The following MSI2 variants were observed in gnomAD, a reference collection of about 807,000 sequenced individuals.
MSI2 encodes RNA-binding protein Musashi homolog 2.
In MSI2, 17 loss-of-function variants were observed where a neutral mutation model predicts 45.6. The ratio of observed to expected loss-of-function variants is 0.37; its 90% CI spans 0.26 to 0.56. The LOEUF (loss-of-function observed/expected upper bound fraction) is 0.56, where lower values mean the gene tolerates loss of function less well. Ranked by LOEUF, MSI2 falls within the 20% of genes least tolerant of loss-of-function variation. The pLI is 0.77. For missense variants in MSI2, 293 were observed against 444.2 expected, an observed-to-expected ratio of 0.66 and a Z score of 3.06; for synonymous variants, 156 against 158.2, an observed-to-expected ratio of 0.99 and a Z score of 0.11.
intron 5 of MSI2, among the ~76,000 whole-genome samples, chr17:57,315,918 A>C (rs1426901670): frequency 6.6e-6 from 1 of 152,124 alleles, no homozygotes; most frequent in Non-Finnish European, 1.5e-5. Flanking sequence ...CGGAGGGTGT[A>C]CACGGGCTGT....
intron 5 of MSI2, among the ~76,000 whole-genome samples, chr17:57,358,189 C>CTGTG (rs1278459037): frequency 8.3e-5 from 5 of 60,318 alleles, no homozygotes; most frequent in Non-Finnish European, 1.8e-4. Flanking sequence ...GTGGGTTTTT[C>CTGTG]TGTGTGTGTG....
chr17:57,416,020 A>G (rs1806403329), intron 6 of MSI2, among the ~76,000 whole-genome samples: 1 of 152,244 alleles, frequency 6.6e-6, no homozygotes, highest in African/African-American at 2.4e-5. Context: ...TAGGAGAAAC[A>G]GCATGCAGGG....
chr17:57,690,374 G>A, the MSI2 span, among the ~76,000 whole-genome samples: 2 of 151,758 alleles, frequency 1.3e-5, no homozygotes, highest in African/African-American at 4.8e-5. Context: ...ACTTTCAGAG[G>A]CCAAGGCAGG....
intron 11 of MSI2, among the ~76,000 whole-genome samples, chr17:57,658,318 A>G (rs771307333): frequency 1.4e-4 from 22 of 152,186 alleles, no homozygotes; most frequent in Non-Finnish European, 1.3e-4. Context: ...CCACAACCAG[A>G]CTTACCAAAG....
At chr17:57,550,192 G>T (rs1180231989) in intron 7 of MSI2, among the ~76,000 whole-genome samples, 1 of 152,182 alleles carries the variant, frequency 6.6e-6, no homozygotes, top group African/African-American at 2.4e-5. Flanking sequence ...GGGAGAGGGG[G>T]CTTGCAGAAC....
the MSI2 span, among the ~76,000 whole-genome samples, chr17:57,692,213 T>C: frequency 5.3e-5 from 8 of 152,220 alleles, no homozygotes; most frequent in Non-Finnish European, 1.0e-4. Flanking sequence ...TGGGTCATGA[T>C]ATATTATCCT....
chr17:57,357,529 C>T (rs886339214), intron 5 of MSI2, among the ~76,000 whole-genome samples: 7 of 152,180 alleles, frequency 4.6e-5, no homozygotes, highest in African/African-American at 1.7e-4. Context: ...CGTGCCTGCT[C>T]AGACCTGGTC....
At chr17:57,337,017 C>G (rs1914739008) in intron 5 of MSI2, among the ~76,000 whole-genome samples, 1 of 152,192 alleles carries the variant, frequency 6.6e-6, no homozygotes, top group Non-Finnish European at 1.5e-5. Flanking sequence ...TGCTGGAGGT[C>G]TCGGCCACTC....
chr17:57,672,951 C>T (rs990644152), intron 11 of MSI2, among the ~76,000 whole-genome samples: 2 of 152,206 alleles, frequency 1.3e-5, no homozygotes, highest in African/African-American at 4.8e-5. Flanking sequence ...CCAGATCAGC[C>T]GTTCACTTGC....
At chr17:57,458,325 C>A (rs1466324246) in intron 6 of MSI2, among the ~76,000 whole-genome samples, 1 of 152,188 alleles carries the variant, frequency 6.6e-6, no homozygotes, top group Admixed American at 6.5e-5. Flanking sequence ...TGGTCTCGAT[C>A]TCTTGACCTC....
chr17:57,699,693 A>C, the MSI2 span, among the ~76,000 whole-genome samples: 17 of 152,346 alleles, frequency 1.1e-4, no homozygotes, highest in East Asian at 3.1e-3. Context: ...AGTCAAAAGC[A>C]ATAGTCCAAA....
At chr17:57,273,095 C>T (rs1159933120) in intron 5 of MSI2, among the ~76,000 whole-genome samples, 1 of 152,100 alleles carries the variant, frequency 6.6e-6, no homozygotes, top group Non-Finnish European at 1.5e-5. Flanking sequence ...ATGCTTGCAC[C>T]TAGGAGAGAA....
intron 7 of MSI2, among the ~76,000 whole-genome samples, chr17:57,579,447 G>GGCCTGGCCT (rs2088142225): frequency 6.6e-6 from 1 of 152,214 alleles, no homozygotes; most frequent in South Asian, 2.1e-4. Flanking sequence ...CTCAAGGTGT[G>GGCCTGGCCT]CCCTGTGGCC....
intron 5 of MSI2, among the ~76,000 whole-genome samples, chr17:57,313,631 G>T (rs1567751503): frequency 6.6e-6 from 1 of 152,232 alleles, no homozygotes; most frequent in Non-Finnish European, 1.5e-5. Flanking sequence ...AGTAGGGGAG[G>T]CTCAGTGGGC....
intron 7 of MSI2, among the ~76,000 whole-genome samples, chr17:57,554,593 T>C (rs2087388494): frequency 1.3e-5 from 2 of 152,248 alleles, no homozygotes; most frequent in Admixed American, 1.3e-4. Flanking sequence ...GATGATGTTA[T>C]TGTTTTTAAC....
chr17:57,464,976 C>A (rs74722413), intron 6 of MSI2, among the ~76,000 whole-genome samples: 2 of 152,352 alleles, frequency 1.3e-5, no homozygotes, highest in East Asian at 3.9e-4. Context: ...TTGCTTCCTG[C>A]TGACAGCACT....
chr17:57,489,163 C>A (rs542582069), intron 6 of MSI2, among the ~76,000 whole-genome samples: 2 of 152,198 alleles, frequency 1.3e-5, no homozygotes, highest in African/African-American at 4.8e-5. Context: ...GGGGCCCAGG[C>A]AGCCCTCATC....
chr17:57,639,404 C>G (rs1910078206), intron 10 of MSI2, among the ~76,000 whole-genome samples: 1 of 152,240 alleles, frequency 6.6e-6, no homozygotes. Context: ...TGGGCTGAGA[C>G]AGCTGGACAA....
intron 6 of MSI2, among the ~76,000 whole-genome samples, chr17:57,523,377 A>C (rs1424395429): frequency 3.3e-5 from 5 of 152,120 alleles, no homozygotes; most frequent in Non-Finnish European, 7.4e-5. Context: ...TTTCCTATTC[A>C]GCCAGCACGT....
Sources: allele counts gnomAD v4.1 joint callset (sites outside exome capture counted in the v4.1 genomes callset), GRCh38; gene constraint gnomAD v4.1.1; transcripts MANE v1.5; gene names NCBI Gene and HGNC (gene_info 2026-07-23, HGNC 2026-07-21).